MIA2: variants seen among roughly 807,000 people sequenced by gnomAD.
MIA2 encodes melanoma inhibitory activity protein 2.
A neutral mutation model predicts 167.8 loss-of-function variants in MIA2; 127 were observed. That is an observed-to-expected ratio of 0.76 (90% CI 0.66 to 0.88). The LOEUF (loss-of-function observed/expected upper bound fraction) is 0.88. Ranked by LOEUF, MIA2 falls within the 40% of genes least tolerant of loss-of-function variation. The pLI, the probability that MIA2 is intolerant of heterozygous loss-of-function variation, is 0.00. For synonymous variants in MIA2, 552 were observed against 541.9 expected (o/e 1.02, Z -0.26); for missense variants, 1,690 against 1,624.7 (o/e 1.04, Z -0.69).
chr14:39,340,981 G>A (rs1413403996), intron 25 of MIA2, among the ~76,000 whole-genome samples: 11 of 152,106 alleles, frequency 7.2e-5, no homozygotes, highest in Admixed American at 7.2e-4. Flanking sequence ...ATGGTAGCTG[G>A]AGGGAGAGGT....
intron 23 of MIA2, chr14:39,385,663 G>C: frequency 1.1e-6 from 1 of 950,066 alleles, no homozygotes; most frequent in African/African-American, 1.6e-5. Flanking sequence ...AAGCTTAAAT[G>C]CAATCTTTTC....
chr14:39,299,790 A>G (rs2062099201), intron 13 of MIA2, 74 bp from the exon 14 acceptor site: 3 of 1,488,098 alleles, frequency 2.0e-6, no homozygotes, highest in Non-Finnish European at 2.7e-6. Context: ...TTAAGTAGCT[A>G]CATAATGCCT....
intron 24 of MIA2, among the ~76,000 whole-genome samples, chr14:39,323,233 C>A (rs982135016): frequency 2.0e-5 from 3 of 152,242 alleles, no homozygotes; most frequent in Middle Eastern, 3.4e-3. Flanking sequence ...TTCCTGTCCA[C>A]CTCCCAGTCC....
rs139399870 is a variant in MIA2 at position 39,337,680 on chromosome 14, G to A, written c.3656-8224G>A. ...CTCAATGGTTGAGTGAAGAAAACCA[G>A]TCTCAAAAGTTTACATACTGTGTTA... On this transcript the variant is annotated intron_variant, in intron 25 of 28. Transcript: ENST00000640607. 4.4e-3 allele frequency among the ~76,000 whole-genome samples: 667 copies of A among 152,074 alleles called. 5 individuals carry two copies. The highest frequency in any genetic ancestry group is 0.015 in the African/African-American group (640 of 41,452).
chr14:39,269,074 G>GTTTTTTTTTTTTTTTTTTTTTTTTTTTT (rs3065036), intron 6 of MIA2: 2 of 502,176 alleles, frequency 4.0e-6, no homozygotes, highest in Non-Finnish European at 4.7e-6. Flanking sequence ...CACCTGCACA[G>GTTTTTTTTTTTTTTTTTTTTTTTTTTTT]TTTTTTTTTT....
intron 25 of MIA2, among the ~76,000 whole-genome samples, chr14:39,340,017 A>G (rs557853877): frequency 3.3e-5 from 5 of 151,958 alleles, no homozygotes; most frequent in African/African-American, 1.2e-4. Flanking sequence ...TAATTTTTAA[A>G]TTTTCTGTAG....
At chr14:39,314,629 T>C (rs994758589) in intron 19 of MIA2, 110 bp from the exon 20 acceptor site, 11 of 487,292 alleles carry the variant, frequency 2.3e-5, no homozygotes, top group South Asian at 6.4e-5. Flanking sequence ...TTTTTTTTTT[T>C]CATGAAGTAG....
Position 39,252,807 on chromosome 14 carries a change from T to G in MIA2, c.1627T>G (p.Ser543Ala), listed in dbSNP as rs762768093. The G allele has an allele frequency of 1.9e-6, 3 of 1,613,936 alleles. No individual in the cohort carries two copies. Among genetic ancestry groups the G allele is most frequent in the Non-Finnish European group, 2.5e-6 (3 of 1,179,878 alleles). Residue 543 changes from serine (S) to alanine (A), a missense_variant, in exon 5 of 29, where the codon TCA becomes GCA. Transcript: ENST00000640607. ...TCACGAAGAAGTATATTTTGAACCC[T>G]CATCTTCTAAAGATAGTGATGAAAA... ...RIHEEVYFEP[S>A]SSKDSDENSK...
At chr14:39,275,117 A>G (rs1782980125) in intron 6 of MIA2, among the ~76,000 whole-genome samples, 1 of 94,896 alleles carries the variant, frequency 1.1e-5, no homozygotes, top group Non-Finnish European at 2.3e-5. Context: ...TTATTCCTTA[A>G]TTTCCATGTT....
At chr14:39,314,504 A>T (rs1055907560) in intron 19 of MIA2, among the ~76,000 whole-genome samples, 2 of 151,900 alleles carry the variant, frequency 1.3e-5, no homozygotes, top group Non-Finnish European at 1.5e-5. Context: ...GGTTTAGGTA[A>T]ACTCAAGTAG....
At chr14:39,237,987 G>A (rs572042288) in intron 2 of MIA2, among the ~76,000 whole-genome samples, 10 of 152,220 alleles carry the variant, frequency 6.6e-5, no homozygotes, top group Admixed American at 1.3e-4. Flanking sequence ...TGATCCACCC[G>A]CCTTGGCCTT....
chr14:39,325,795 C>G (rs2067420967), intron 24 of MIA2, among the ~76,000 whole-genome samples: 2 of 151,684 alleles, frequency 1.3e-5, no homozygotes, highest in South Asian at 2.1e-4. Context: ...CTCACTGCAA[C>G]CTCCACCTCC....
intron 9 of MIA2, among the ~76,000 whole-genome samples, chr14:39,286,895 G>GTGTA (rs565466580): frequency 0.072 from 10,729 of 149,170 alleles, 874 homozygotes; most frequent in East Asian, 0.44. Flanking sequence ...GTGTGTGTGT[G>GTGTA]TGTATTTTTT....
At chr14:39,234,344 G>T (rs76790306) in intron 1 of MIA2, 115 bp downstream of exon 1, 21,380 of 582,326 alleles carry the variant, frequency 0.037, 526 homozygotes, top group Middle Eastern at 0.093. Context: ...AGAAATATTT[G>T]GATTATGAAG....
intron 9 of MIA2, among the ~76,000 whole-genome samples, chr14:39,288,456 T>TTTTTTTTTTTTTTTG (rs2060169620): frequency 7.0e-5 from 1 of 14,356 alleles, no homozygotes; most frequent in African/African-American, 1.9e-4. Flanking sequence ...TATATATATA[T>TTTTTTTTTTTTTTTG]ATATATATAT....
intron 6 of MIA2, among the ~76,000 whole-genome samples, chr14:39,254,290 T>C (rs967880806): frequency 1.5e-4 from 23 of 152,164 alleles, no homozygotes; most frequent in African/African-American, 5.3e-4. Context: ...CAATAAGCAA[T>C]TGAGTTTGAT....
rs201802571 is a variant in MIA2, at chr14:39,256,585, TA to T, written c.1887+3423del. ...TGGAAAATTAAAGGAGGCAGCTTTT[TA>T]AAAAAAAATAACAAAGAAATTATGA... On this transcript the variant is annotated intron_variant, in intron 6 of 28. Coordinates refer to ENST00000640607, the MANE Select transcript of MIA2 (RefSeq NM_001329214.4). Among the ~76,000 whole-genome samples, 57 of 151,210 alleles carry T rather than the reference TA, an allele frequency of 3.8e-4. No homozygotes were observed. The East Asian group carries it at 5.2e-3, about 14-fold the overall frequency.
intron 26 of MIA2, chr14:39,346,836 G>C: frequency 3.9e-6 from 1 of 258,492 alleles, no homozygotes; most frequent in Non-Finnish European, 7.6e-6. Flanking sequence ...GAACTCCTGG[G>C]CTCAAGCAAT....
chr14:39,345,904 G>A lies in MIA2; in HGVS notation c.3656G>A (p.Gly1219Glu). The part of the protein sequence containing the change: ...QDRRMMFPPP[G>E]QSYPDSALPP... The stretch of plus-strand genomic sequence containing the variant: ...GACATTTTAAAAACTTATTTTCTAG[G>A]ACAATCATATCCTGATTCAGCCCTT... The change falls in exon 26 of 29, where the codon GGA becomes GAA. Residue 1219 changes from glycine to glutamate, a missense_variant and splice_region_variant. Gly to Glu is a moderately conservative substitution (Grantham distance 98, BLOSUM62 -2). Transcript: ENST00000640607. 1 of 1,602,900 alleles carries A rather than the reference G, an allele frequency of 6.2e-7. No individual in the cohort carries two copies. The highest frequency in any genetic ancestry group is 8.5e-7 in the Non-Finnish European group (1 of 1,176,472).
Sources: gnomAD v4.1 joint callset for allele counts (sites outside exome capture counted in the v4.1 genomes callset) on GRCh38, gnomAD v4.1.1 for gene constraint, MANE v1.5 for transcripts, NCBI Gene and HGNC (gene_info 2026-07-23, HGNC 2026-07-21) for gene names.